Variants in MIB2 observed in about 807,000 individuals in gnomAD.
The protein encoded by MIB2 is MIB E3 ubiquitin protein ligase 2, also known as E3 ubiquitin-protein ligase MIB2.
MIB2 carries 78 observed loss-of-function variants against 96.6 expected under a neutral mutation model. The observed-to-expected ratio is 0.81, with a 90% confidence interval of 0.67 to 0.97. The LOEUF is 0.97. Ranked by LOEUF, MIB2 falls within the 50% of genes least tolerant of loss-of-function variation. MIB2 has a pLI of 0.00. For synonymous variants in MIB2, 820 were observed against 629.5 expected, an observed-to-expected ratio of 1.30 and a Z score of -4.53; for missense variants, 1,543 against 1,424.0, an observed-to-expected ratio of 1.08 and a Z score of -1.35.
In MIB2 at chr1:1,627,389, G is replaced by T; in HGVS notation, c.1468G>T (p.Gly490Cys). ...LIRLLLQARA[G>C]VDLPDDEGNT... is the part of the protein sequence containing the mutation. ...ACGGCTGCTGCTACAAGCCAGGGCGGGCGTGGACCTGCCGGACGACGAGGG... is the reference window on the plus strand; with the variant it reads ...ACGGCTGCTGCTACAAGCCAGGGCGTGCGTGGACCTGCCGGACGACGAGGG... The change falls in exon 12 of 20, where the codon GGC becomes TGC. Residue 490 changes from glycine to cysteine, a missense_variant. Coordinates refer to ENST00000355826, the MANE Select transcript of MIB2 (RefSeq NM_001170687.4). 1.9e-6 allele frequency: 3 copies of T among 1,613,044 alleles called. No individual in the cohort carries two copies. The highest frequency in any genetic ancestry group is 1.1e-5 in the South Asian group (1 of 91,080).
In MIB2 at chr1:1,627,822, A is replaced by C; in HGVS notation, c.1673A>C (p.Asn558Thr). The C allele has an allele frequency of 6.3e-7, 1 of 1,599,098 alleles. No individual in the cohort carries two copies. The highest frequency in any genetic ancestry group is 8.5e-7 in the Non-Finnish European group (1 of 1,179,480). Reference protein sequence around the residue: ...RALCERGCDVNLPDAHSDTPL... With the variant: ...RALCERGCDVTLPDAHSDTPL... The stretch of plus-strand genomic sequence containing the variant: ...CTGTGTGAGCGCGGCTGTGACGTCA[A>C]CCTGCCCGTGAGTGCTGCTCCCTGG... Residue 558 changes from asparagine (N) to threonine (T), a missense_variant, in exon 13 of 20, where the codon AAC (asparagine) becomes ACC (threonine). Asn to Thr is a moderately conservative substitution (Grantham distance 65). Coordinates refer to ENST00000355826, the MANE Select transcript of MIB2 (RefSeq NM_001170687.4).
chr1:1,628,650 G>T lies in MIB2; in HGVS notation c.2130G>T (p.Gln710His). The change falls in exon 16 of 20, where the codon CAG becomes CAT. Residue 710 changes from glutamine to histidine, a missense_variant. Coordinates refer to ENST00000355826, the MANE Select transcript of MIB2 (RefSeq NM_001170687.4). ...ACACAGCCCTGCACGTGGCGCTGCA[G>T]CGTCATCAGCTGCTGCCCCTGGTGG... is the stretch of plus-strand genomic sequence containing the variant. ...EGDTALHVALQRHQLLPLVAD... is the reference protein window; with the variant it reads ...EGDTALHVALHRHQLLPLVAD... The T allele has an allele frequency of 6.3e-7, 1 of 1,591,872 alleles. No individual in the cohort carries two copies. The highest frequency in any genetic ancestry group is 8.5e-7 in the Non-Finnish European group (1 of 1,172,482).
chr1:1,628,000 A>G lies in MIB2; in HGVS notation c.1681-19A>G. The G allele has an allele frequency of 6.2e-7, 1 of 1,611,626 alleles. No individual in the cohort carries two copies. The highest frequency in any genetic ancestry group is 8.5e-7 in the Non-Finnish European group (1 of 1,179,136). ...AAGCAGAAGTCACCCCCAGGTGACCACTGACTCCGCCCCAGCAGGACGCCC... is the reference window on the plus strand; with the variant it reads ...AAGCAGAAGTCACCCCCAGGTGACCGCTGACTCCGCCCCAGCAGGACGCCC... On this transcript the variant is annotated intron_variant, in intron 13 of 19. Transcript: ENST00000355826.
chr1:1,621,989 G>A (rs1019903103), intron 2 of MIB2, among the ~76,000 whole-genome samples: 2 of 152,216 alleles, frequency 1.3e-5, no homozygotes, highest in African/African-American at 2.4e-5. Context: ...AGCCTCTCCC[G>A]GGCCAGGGTG....
At chr1:1,627,465 G>A (rs747941742) in intron 12 of MIB2, 21 bp downstream of exon 12, 25 of 1,590,382 alleles carry the variant, frequency 1.6e-5, no homozygotes, top group Admixed American at 6.8e-5. Flanking sequence ...GGAGGGGCCC[G>A]GCCGGCGGGG....
At chr1:1,615,301 A>T, upstream of MIB2, 1 of 1,363,530 alleles carries the variant, frequency 7.3e-7, no homozygotes, top group Non-Finnish European at 9.5e-7. Flanking sequence ...CCCCGTCTCT[A>T]TGGCAACCGA....
In MIB2 at chr1:1,626,996, A is replaced by C; in HGVS notation, c.1237A>C (p.Lys413Gln). Residue 413 changes from lysine (K) to glutamine (Q), a missense_variant, in exon 10 of 20, where the codon AAA (lysine) becomes CAA (glutamine). By Grantham distance (53) the Lys-to-Gln change is moderately conservative. Coordinates refer to ENST00000355826, the MANE Select transcript of MIB2 (RefSeq NM_001170687.4). The surrounding 1 kb of genome is among the most constrained non-coding windows in gnomAD (Gnocchi z 5.3). ...CGTGGCCGAGCGCGCCCGGGAGAACAAAAGTGCGGCACAGCTCAGGCGGCC... is the reference window on the plus strand; with the variant it reads ...CGTGGCCGAGCGCGCCCGGGAGAACCAAAGTGCGGCACAGCTCAGGCGGCC... ...LDVAERAREN[K>Q]SSLSVALDKL... 1 of 1,611,210 alleles carries C rather than the reference A, an allele frequency of 6.2e-7. No homozygotes were observed. The highest frequency in any genetic ancestry group is 8.5e-7 in the Non-Finnish European group (1 of 1,179,252).
In MIB2 at chr1:1,628,268, C is replaced by T. The variant is rs1645004081; in HGVS notation, c.1842-5C>T. 1 of 1,613,032 alleles carries T rather than the reference C, an allele frequency of 6.2e-7. No individual in the cohort carries two copies. The highest frequency in any genetic ancestry group is 8.5e-7 in the Non-Finnish European group (1 of 1,179,950). Reference sequence around the variant, plus strand: ...AGGTCCCAGACCAACCTCCCTGCTCCACAGAGCTGTGAGAAAGATTCTGGC... The same window carrying T: ...AGGTCCCAGACCAACCTCCCTGCTCTACAGAGCTGTGAGAAAGATTCTGGC... On this transcript the variant is annotated splice_polypyrimidine_tract_variant and splice_region_variant and intron_variant, in intron 14 of 19. Transcript: ENST00000355826.
At chr1:1,616,264 G>C (rs1462202532) in intron 1 of MIB2, 1 of 401,622 alleles carries the variant, frequency 2.5e-6, no homozygotes, top group African/African-American at 2.1e-5. Flanking sequence ...GCGCGTCCCG[G>C]AGCCTCCTGA....
intron 2 of MIB2, chr1:1,617,515 G>A (rs995952370): frequency 1.3e-4 from 20 of 152,142 alleles, no homozygotes; most frequent in Admixed American, 8.5e-4. Flanking sequence ...TGGTTAAGAC[G>A]GTAAATGCTA....
In MIB2 at chr1:1,627,443, GGGT is replaced by G; in HGVS notation, c.1523+1_1523+3del. 6.2e-7 allele frequency: 1 copy of G among 1,605,538 alleles called. No homozygotes were observed. Among genetic ancestry groups the G allele is most frequent in the East Asian group, 2.3e-5 (1 of 43,976 alleles). On this transcript the variant is annotated splice_donor_variant and coding_sequence_variant, in exon 12 of 20. Transcript: ENST00000355826. LOFTEE classifies it high-confidence loss of function. ...CACGGCACTGCACTACGCGGCCCTGGGGTGAGGCCTGGGAGGGGCCCGGCCGGC... is the reference window on the plus strand; with the variant it reads ...CACGGCACTGCACTACGCGGCCCTGGGAGGCCTGGGAGGGGCCCGGCCGGC...
In MIB2 at chr1:1,625,295, C is replaced by G. The variant is rs770733872; in HGVS notation, c.731C>G (p.Ala244Gly). The change falls in exon 7 of 20, where the codon GCG (alanine) becomes GGG (glycine). Residue 244 changes from alanine to glycine, a missense_variant. Physicochemically the swap from Ala to Gly is moderately conservative, Grantham distance 60 (BLOSUM62 0). Transcript: ENST00000355826. This position sits in a 1 kb window ranked among gnomAD's most constrained non-coding sequence, Gnocchi z 5.0. Reference protein sequence around the residue: ...KDHLPRLGKPAELQRRVSADS... With the variant: ...KDHLPRLGKPGELQRRVSADS... ...CTGCCACCCTCCGCAGGCAAGCCGG[C>G]GGAGCTGCAGCGCAGGGTGAGTGCT... 5 of 1,588,010 alleles carry G rather than the reference C, an allele frequency of 3.1e-6. No homozygotes were observed. In the East Asian group the frequency reaches 1.1e-4, roughly 36 times the overall value.
At chr1:1,623,229 C>T in intron 2 of MIB2, 1 of 886,036 alleles carries the variant, frequency 1.1e-6, no homozygotes, top group Non-Finnish European at 1.6e-6. Context: ...GGCACGGCGC[C>T]CGCCTTTCCC....
In MIB2 at chr1:1,626,749, G is replaced by A; in HGVS notation, c.1072G>A (p.Ala358Thr). ...AGHGEWTDDMAPALGRVGKVV... is the reference protein window; with the variant it reads ...AGHGEWTDDMTPALGRVGKVV... ...GCATGGCGAGTGGACGGACGACATG[G>A]CCCCTGTGAGTCCCCCTGCCACCCC... Residue 358 changes from alanine to threonine, a missense_variant, in exon 9 of 20, where the codon GCC becomes ACC. Physicochemically the swap from Ala to Thr is moderately conservative, Grantham distance 58. Transcript: ENST00000355826. The surrounding 1 kb of genome is among the most constrained non-coding windows in gnomAD (Gnocchi z 5.3). 1.3e-6 allele frequency: 2 copies of A among 1,588,466 alleles called. No individual in the cohort carries two copies. Among genetic ancestry groups the A allele is most frequent in the East Asian group, 2.3e-5 (1 of 44,360 alleles).
At position 1,625,201 on chromosome 1, in the gene MIB2, A is replaced by G. The variant is rs773011720; in HGVS notation, c.721+16A>G. On this transcript the variant is annotated intron_variant, in intron 6 of 19. Transcript: ENST00000355826. The surrounding 1 kb of genome is among the most constrained non-coding windows in gnomAD (Gnocchi z 5.0). ...CCAAGGCTCGGTATGAGGCTGTCAC[A>G]CTGACTCCATCAGCCCTCCTGCCTT... The G allele has an allele frequency of 4.5e-5, 72 of 1,604,844 alleles. 1 individual carries two copies. In the South Asian group the frequency reaches 7.4e-4, roughly 16 times the overall value.
Position 1,629,579 on chromosome 1 carries a change from C to A in MIB2, c.2563+13C>A, listed in dbSNP as rs748415984. 6.4e-7 allele frequency: 1 copy of A among 1,557,152 alleles called. No homozygotes were observed. Among genetic ancestry groups the A allele is most frequent in the Non-Finnish European group, 8.7e-7 (1 of 1,152,844 alleles). ...ACCGTGTGTGAGGGTGAGTGGGGGG[C>A]CCCGGGGTGGGGAGGCCCGGCTAGT... On this transcript the variant is annotated intron_variant, in intron 18 of 19. Coordinates refer to ENST00000355826, the MANE Select transcript of MIB2 (RefSeq NM_001170687.4).
Position 1,630,285 on chromosome 1 carries a change from C to G in MIB2, c.2630-7C>G. 6.8e-7 allele frequency: 1 copy of G among 1,480,910 alleles called. No homozygotes were observed. The highest frequency in any genetic ancestry group is 9.0e-7 in the Non-Finnish European group (1 of 1,116,804). 91.7% of individuals were successfully genotyped at this position (1,480,910 alleles called of 1,614,324 possible). A position where few individuals can be genotyped will look rare whatever the true frequency, so the allele number is the denominator to read the frequency against. ...CTCCCAGCTCACACCCGTCCCCCACCCCGCAGACGGCTCTGAGGTGGCGAG... is the reference window on the plus strand; with the variant it reads ...CTCCCAGCTCACACCCGTCCCCCACGCCGCAGACGGCTCTGAGGTGGCGAG... On this transcript the variant is annotated splice_region_variant and splice_polypyrimidine_tract_variant and intron_variant, in intron 19 of 19. Transcript: ENST00000355826.
chr1:1,628,459 T>A, intron 15 of MIB2, 30 bp from the exon 16 acceptor site: 2 of 1,597,462 alleles, frequency 1.3e-6, no homozygotes, highest in Non-Finnish European at 1.7e-6. Flanking sequence ...CTGGGGTCCC[T>A]GGGCTGAGCC....
At chr1:1,615,293 C>T, upstream of MIB2, 1 of 1,343,526 alleles carries the variant, frequency 7.4e-7, no homozygotes, top group African/African-American at 1.6e-5. Flanking sequence ...TCCCAAGCCC[C>T]CGTCTCTATG....
Sources: allele counts gnomAD v4.1 joint callset (sites outside exome capture counted in the v4.1 genomes callset), GRCh38; gene constraint gnomAD v4.1.1; non-coding constraint Gnocchi (gnomAD v3.1); transcripts MANE v1.5; gene names NCBI Gene and HGNC (gene_info 2026-07-23, HGNC 2026-07-21).